The following CCDC192 variants were observed in gnomAD, a reference collection of about 807,000 sequenced individuals.
CCDC192 encodes the protein coiled-coil domain-containing protein 192.
intron 2 of CCDC192, among the ~76,000 whole-genome samples, chr5:127,732,001 G>T (rs1752665094): frequency 6.6e-6 from 1 of 152,096 alleles, no homozygotes; most frequent in Non-Finnish European, 1.5e-5. Context: ...TGACAAATGG[G>T]ATCTAATTAA....
At chr5:127,926,281 A>C (rs1753860275) in intron 6 of CCDC192, among the ~76,000 whole-genome samples, 1 of 152,226 alleles carries the variant, frequency 6.6e-6, no homozygotes, top group Non-Finnish European at 1.5e-5. Flanking sequence ...CAAACATAGA[A>C]GTATGGAGTC....
At chr5:127,877,297 G>A (rs1039895733) in intron 6 of CCDC192, among the ~76,000 whole-genome samples, 2 of 151,962 alleles carry the variant, frequency 1.3e-5, no homozygotes, top group Non-Finnish European at 1.5e-5. Flanking sequence ...GCTTGGGATA[G>A]GGAAGAAAAC....
intron 2 of CCDC192, among the ~76,000 whole-genome samples, chr5:127,743,829 G>A (rs1753574310): frequency 6.6e-6 from 1 of 152,070 alleles, no homozygotes; most frequent in Non-Finnish European, 1.5e-5. Flanking sequence ...GGTGGCTCAC[G>A]CCTGTAATCC....
At chr5:127,929,958 C>G (rs541226898) in intron 6 of CCDC192, among the ~76,000 whole-genome samples, 1 of 152,298 alleles carries the variant, frequency 6.6e-6, no homozygotes, top group Admixed American at 6.5e-5. Flanking sequence ...AATCCCAACA[C>G]TTTAGGAGGC....
intron 6 of CCDC192, among the ~76,000 whole-genome samples, chr5:127,893,793 T>C (rs866502746): frequency 6.6e-6 from 1 of 152,186 alleles, no homozygotes; most frequent in Non-Finnish European, 1.5e-5. Context: ...CATATATATA[T>C]ACCAAACCAG....
chr5:127,861,130 T>G (rs1170472996), intron 5 of CCDC192, among the ~76,000 whole-genome samples: 2 of 151,956 alleles, frequency 1.3e-5, no homozygotes, highest in Non-Finnish European at 2.9e-5. Flanking sequence ...TTCCTCAGCC[T>G]CCCAAGTAGC....
At position 127,803,637 on chromosome 5, in the gene CCDC192, C is replaced by A. The variant is rs149533230; in HGVS notation, c.411+5475C>A. 2.1e-3 allele frequency among the ~76,000 whole-genome samples: 318 copies of A among 152,274 alleles called. 1 individual carries two copies. The highest frequency in any genetic ancestry group is 7.4e-3 in the African/African-American group (309 of 41,558). On this transcript the variant is annotated intron_variant, in intron 5 of 6. Transcript: ENST00000514853. ...AGTGCTTAGCCCCATCTGTTCACTC[C>A]TTCGTGGATGACCTGAATATCTGCA...
intron 5 of CCDC192, among the ~76,000 whole-genome samples, chr5:127,853,795 C>CAA (rs1322915012): frequency 6.6e-6 from 1 of 151,976 alleles, no homozygotes; most frequent in African/African-American, 2.4e-5. Flanking sequence ...AACAAACAAA[C>CAA]AAAAAACAAA....
chr5:127,876,063 A>ATT lies in CCDC192; in HGVS notation c.535+423_535+424dup, dbSNP rs55862955. On this transcript the variant is annotated intron_variant, in intron 6 of 6. Transcript: ENST00000514853. The stretch of plus-strand genomic sequence containing the variant: ...ACTAGGGCACAGGGAAGAGAACAGA[A>ATT]TTTTTTTTTTTTTTTTTTTTTTACC... Among the ~76,000 whole-genome samples the ATT allele has an allele frequency of 5.7e-3, 738 of 128,774 alleles. 15 individuals are homozygous for ATT. The highest frequency in any genetic ancestry group is 0.033 in the Middle Eastern group (8 of 242). The allele number at this position is 128,774 out of a possible 152,430, so 84.5% of individuals were successfully genotyped here.
intron 5 of CCDC192, among the ~76,000 whole-genome samples, chr5:127,819,647 T>A (rs1333748385): frequency 6.6e-6 from 1 of 152,204 alleles, no homozygotes; most frequent in Non-Finnish European, 1.5e-5. Context: ...GTTGTTTCTT[T>A]TTAGATGTCT....
At chr5:127,793,289 C>A (rs1756986710) in intron 3 of CCDC192, among the ~76,000 whole-genome samples, 1 of 151,962 alleles carries the variant, frequency 6.6e-6, no homozygotes, top group Non-Finnish European at 1.5e-5. Flanking sequence ...ATATCTGAGT[C>A]AAAGAGATAT....
At chr5:127,828,282 G>A (rs987808638) in intron 5 of CCDC192, among the ~76,000 whole-genome samples, 27 of 152,134 alleles carry the variant, frequency 1.8e-4, no homozygotes, top group African/African-American at 6.5e-4. Flanking sequence ...GAAATTTAAA[G>A]CATCCTTCAA....
At chr5:127,754,039 T>C (rs905710726) in intron 2 of CCDC192, among the ~76,000 whole-genome samples, 1 of 152,244 alleles carries the variant, frequency 6.6e-6, no homozygotes, top group Non-Finnish European at 1.5e-5. Context: ...AAGCTGTTCA[T>C]TGTCATCATT....
In CCDC192 at chr5:127,769,577, A is replaced by T. The variant is rs114987664; in HGVS notation, c.222+15202A>T. Among the ~76,000 whole-genome samples the T allele has an allele frequency of 6.9e-3, 1,045 of 152,294 alleles. 14 individuals carry two copies. The highest frequency in any genetic ancestry group is 0.024 in the African/African-American group (1,001 of 41,558). Reference sequence around the variant, plus strand: ...GAGGAGTGCCCAGAAACAAATCCTCAGATCTCAATATGTAGATTTGAAGAA... The same window carrying T: ...GAGGAGTGCCCAGAAACAAATCCTCTGATCTCAATATGTAGATTTGAAGAA... On this transcript the variant is annotated intron_variant, in intron 3 of 6. Transcript: ENST00000514853.
At chr5:127,866,825 T>A (rs59116566) in intron 5 of CCDC192, among the ~76,000 whole-genome samples, 2 of 152,166 alleles carry the variant, frequency 1.3e-5, no homozygotes, top group Non-Finnish European at 2.9e-5. Context: ...CTGCAGTTTT[T>A]AAAAAAATAT....
intron 2 of CCDC192, among the ~76,000 whole-genome samples, chr5:127,709,987 G>A (rs1033206657): frequency 6.6e-6 from 1 of 152,132 alleles, no homozygotes; most frequent in South Asian, 2.1e-4. Flanking sequence ...AAAAGGACAA[G>A]GTGCCAATTA....
chr5:127,771,225 A>G (rs58841921), intron 3 of CCDC192, among the ~76,000 whole-genome samples: 6,746 of 152,292 alleles, frequency 0.044, 501 homozygotes, highest in African/African-American at 0.15. Context: ...CAAGGCAAAC[A>G]CATAGGAGCA....
At chr5:127,912,805 A>G (rs1312433082) in intron 6 of CCDC192, among the ~76,000 whole-genome samples, 1 of 152,182 alleles carries the variant, frequency 6.6e-6, no homozygotes, top group Non-Finnish European at 1.5e-5. Flanking sequence ...GAAACTTCCT[A>G]TGGCTTGCTG....
intron 5 of CCDC192, among the ~76,000 whole-genome samples, chr5:127,799,526 G>A (rs1166197268): frequency 6.6e-6 from 1 of 152,248 alleles, no homozygotes; most frequent in African/African-American, 2.4e-5. Flanking sequence ...GTCCCGTCAC[G>A]ACATTTGATA....
Sources: allele counts gnomAD v4.1 joint callset (sites outside exome capture counted in the v4.1 genomes callset), GRCh38; gene constraint gnomAD v4.1.1; transcripts MANE v1.5; gene names NCBI Gene and HGNC (gene_info 2026-07-23, HGNC 2026-07-21).